The following PTPRD variants were observed in gnomAD, a reference collection of about 807,000 sequenced individuals.
PTPRD encodes the protein protein tyrosine phosphatase receptor type D.
Under a neutral mutation model 214.5 loss-of-function variants are expected in PTPRD, and 34 were observed. That is an observed-to-expected ratio of 0.16 (90% CI 0.12 to 0.21). The LOEUF (loss-of-function observed/expected upper bound fraction) is 0.21. PTPRD is among the 10% of genes least tolerant of loss of function. The pLI, the probability that PTPRD is intolerant of heterozygous loss-of-function variation, is 1.00. For synonymous variants in PTPRD, 1,128 were observed against 845.7 expected (o/e 1.33, Z -5.79); for missense variants, 2,545 against 2,398.7 (o/e 1.06, Z -1.27).
chr9:10,486,697 G>C (rs1227906317), intron 2 of PTPRD, among the ~76,000 whole-genome samples: 1 of 152,132 alleles, frequency 6.6e-6, no homozygotes, highest in Admixed American at 6.6e-5. Flanking sequence ...TTTTTTAAAT[G>C]TTTTAGGACA....
At chr9:8,565,362 G>C (rs1274032709) in intron 14 of PTPRD, among the ~76,000 whole-genome samples, 1 of 152,066 alleles carries the variant, frequency 6.6e-6, no homozygotes, top group African/African-American at 2.4e-5. Flanking sequence ...ACCATATTTG[G>C]TTGCTTAAGA....
At chr9:9,967,171 GCCT>G (rs984712251) in intron 4 of PTPRD, among the ~76,000 whole-genome samples, 2 of 152,126 alleles carry the variant, frequency 1.3e-5, no homozygotes, top group Non-Finnish European at 2.9e-5. Context: ...TTAGACAAAT[GCCT>G]CAGCCACTCT....
At chr9:10,334,135 A>AAAGAT (rs2096800710) in intron 3 of PTPRD, among the ~76,000 whole-genome samples, 6 of 151,788 alleles carry the variant, frequency 4.0e-5, no homozygotes, top group African/African-American at 1.4e-4. Context: ...AAGTATACAC[A>AAAGAT]ATATACTAAA....
At chr9:10,124,427 G>A (rs1302277409) in intron 3 of PTPRD, among the ~76,000 whole-genome samples, 2 of 152,156 alleles carry the variant, frequency 1.3e-5, no homozygotes, top group African/African-American at 4.8e-5. Context: ...AACACACCAT[G>A]CGTATTCACC....
intron 5 of PTPRD, among the ~76,000 whole-genome samples, chr9:9,854,156 T>C (rs1236656482): frequency 5.9e-5 from 9 of 152,200 alleles, no homozygotes; most frequent in Admixed American, 5.2e-4. Flanking sequence ...TCTATTACTC[T>C]AACCTGCTAT....
At chr9:10,486,761 G>T (rs1020990984) in intron 2 of PTPRD, among the ~76,000 whole-genome samples, 6 of 152,166 alleles carry the variant, frequency 3.9e-5, no homozygotes, top group African/African-American at 1.2e-4. Context: ...GTGCTGAGGG[G>T]AGGAATGTGT....
At chr9:10,258,759 C>G (rs1375815085) in intron 3 of PTPRD, among the ~76,000 whole-genome samples, 3 of 152,080 alleles carry the variant, frequency 2.0e-5, no homozygotes, top group African/African-American at 7.2e-5. Context: ...CTCTCTTTCT[C>G]TCTCTTTCTT....
intron 3 of PTPRD, among the ~76,000 whole-genome samples, chr9:10,136,604 A>G (rs2098946007): frequency 7.3e-6 from 1 of 136,422 alleles, no homozygotes; most frequent in Non-Finnish European, 1.6e-5. Flanking sequence ...ACCCTAGAAG[A>G]AAACCTAGGC....
At position 8,891,137 on chromosome 9, in the gene PTPRD, A is replaced by ATTTTTTTTTTTTTTTT. The variant is rs761564011; in HGVS notation, c.-104+127559_-104+127560insAAAAAAAAAAAAAAAA. 1.4e-3 allele frequency among the ~76,000 whole-genome samples: 171 copies of ATTTTTTTTTTTTTTTT among 123,580 alleles called. 12 individuals are homozygous for ATTTTTTTTTTTTTTTT. Among genetic ancestry groups the ATTTTTTTTTTTTTTTT allele is most frequent in the African/African-American group, 4.8e-3 (153 of 31,618 alleles). The allele number at this position is 123,580 out of a possible 152,430, so 81.1% of individuals were successfully genotyped here. On this transcript the variant is annotated intron_variant, in intron 11 of 45. Transcript: ENST00000381196. ...AACTTCTGTGCTTTGAATTAATCTA[A>ATTTTTTTTTTTTTTTT]TTTTTTTTTTTTTTGAGACTGAGTC...
chr9:9,000,712 A>T (rs1484452360), intron 11 of PTPRD, among the ~76,000 whole-genome samples: 1 of 151,960 alleles, frequency 6.6e-6, no homozygotes, highest in Non-Finnish European at 1.5e-5. Flanking sequence ...CTGCTAAAAA[A>T]CAGGCAGCTC....
intron 12 of PTPRD, among the ~76,000 whole-genome samples, chr9:8,651,069 C>T (rs764309512): frequency 9.2e-5 from 14 of 151,982 alleles, no homozygotes; most frequent in Non-Finnish European, 5.9e-5. Context: ...AGAAACCAAA[C>T]GGTATTTATT....
rs35404118 is a variant in PTPRD, at chr9:9,134,134, G to T, written c.-143+49170C>A. ...AGGCTGGACTGCGGACTGCAGTGGC[G>T]CAATCTCGGCTCACTGCAAGCTCCG... On this transcript the variant is annotated intron_variant, in intron 10 of 45. Coordinates refer to ENST00000381196, the MANE Select transcript of PTPRD (RefSeq NM_002839.4). 5.7e-3 allele frequency among the ~76,000 whole-genome samples: 743 copies of T among 131,180 alleles called. 35 individuals carry two copies. Among genetic ancestry groups the T allele is most frequent in the African/African-American group, 0.023 (667 of 29,022 alleles). The allele number at this position is 131,180 out of a possible 152,430, so 86.1% of individuals were successfully genotyped here. A position where few individuals can be genotyped will look rare whatever the true frequency, so the allele number is the denominator to read the frequency against.
chr9:8,457,377 A>G (rs1294835056), intron 33 of PTPRD, among the ~76,000 whole-genome samples: 1 of 152,170 alleles, frequency 6.6e-6, no homozygotes, highest in African/African-American at 2.4e-5. Context: ...AATTTATAAC[A>G]TTAAAGATAT....
At chr9:10,502,671 T>C (rs2044174947) in intron 2 of PTPRD, among the ~76,000 whole-genome samples, 1 of 152,088 alleles carries the variant, frequency 6.6e-6, no homozygotes, top group Non-Finnish European at 1.5e-5. Context: ...TGCACACACA[T>C]ACATACACAG....
intron 7 of PTPRD, among the ~76,000 whole-genome samples, chr9:9,576,590 C>G (rs1462789990): frequency 6.6e-6 from 1 of 151,948 alleles, no homozygotes; most frequent in South Asian, 2.1e-4. Context: ...TCTTTCTTGC[C>G]CTCCCTTTTT....
intron 2 of PTPRD, among the ~76,000 whole-genome samples, chr9:10,448,420 T>C (rs996095429): frequency 2.0e-5 from 3 of 151,974 alleles, no homozygotes; most frequent in African/African-American, 7.3e-5. Flanking sequence ...TCCTGCCCTG[T>C]CATATTAATC....
intron 10 of PTPRD, among the ~76,000 whole-genome samples, chr9:9,034,111 A>G (rs1359981890): frequency 6.6e-6 from 1 of 152,154 alleles, no homozygotes; most frequent in East Asian, 1.9e-4. Context: ...TACAAGTCAC[A>G]TGAAGGAAAA....
chr9:8,688,436 G>T (rs559638250), intron 12 of PTPRD, among the ~76,000 whole-genome samples: 1 of 151,850 alleles, frequency 6.6e-6, no homozygotes, highest in African/African-American at 2.4e-5. Context: ...GTGGTGGTGG[G>T]CGCCTGTAGT....
chr9:10,209,441 A>T (rs1327937570), intron 3 of PTPRD, among the ~76,000 whole-genome samples: 1 of 152,150 alleles, frequency 6.6e-6, no homozygotes, highest in Non-Finnish European at 1.5e-5. Flanking sequence ...AGAACATTTG[A>T]TAATGGGCCA....
Sources: gnomAD v4.1 joint callset for allele counts (sites outside exome capture counted in the v4.1 genomes callset) on GRCh38, gnomAD v4.1.1 for gene constraint, MANE v1.5 for transcripts, NCBI Gene and HGNC (gene_info 2026-07-23, HGNC 2026-07-21) for gene names.